Variants in CRADD observed in about 807,000 individuals in gnomAD.
CRADD encodes death domain-containing protein CRADD.
CRADD carries 9 observed loss-of-function variants against 15.5 expected under a neutral mutation model. That is an observed-to-expected ratio of 0.58 (90% CI 0.35 to 1.01). CRADD has a LOEUF of 1.01. CRADD is among the 50% of genes least tolerant of loss of function. The probability of loss-of-function intolerance (pLI) is 0.02; values close to 1 mark genes in which losing one functional copy is unlikely to be tolerated. For synonymous variants in CRADD, 118 were observed against 107.6 expected (o/e 1.10, Z -0.60); for missense variants, 227 against 250.3 (o/e 0.91, Z 0.63).
intron 2 of CRADD, among the ~76,000 whole-genome samples, chr12:93,871,990 A>G (rs1049181449): frequency 2.0e-5 from 3 of 152,150 alleles, no homozygotes; most frequent in Non-Finnish European, 2.9e-5. Context: ...CCTCCAAACT[A>G]TTCTCCATAG....
At chr12:93,829,814 T>C (rs1183449998) in intron 2 of CRADD, among the ~76,000 whole-genome samples, 2 of 152,142 alleles carry the variant, frequency 1.3e-5, no homozygotes, top group Non-Finnish European at 1.5e-5. Context: ...TGCCTCAGGC[T>C]CCTGAGTAGC....
intron 2 of CRADD, among the ~76,000 whole-genome samples, chr12:93,718,369 G>A (rs188661316): frequency 9.9e-4 from 150 of 152,200 alleles, no homozygotes; most frequent in Non-Finnish European, 1.5e-3. Context: ...GATCTTGTAC[G>A]TATTTTATTA....
At chr12:93,688,362 G>C (rs1955485030) in intron 2 of CRADD, among the ~76,000 whole-genome samples, 1 of 152,014 alleles carries the variant, frequency 6.6e-6, no homozygotes, top group African/African-American at 2.4e-5. Flanking sequence ...AAGTAGCTGG[G>C]CATGGTGGCA....
intron 2 of CRADD, among the ~76,000 whole-genome samples, chr12:93,806,708 G>T (rs1356909261): frequency 6.6e-6 from 1 of 152,056 alleles, no homozygotes; most frequent in African/African-American, 2.4e-5. Flanking sequence ...ATAAGGAGTA[G>T]AAGACATTAC....
rs1475096451 is a variant in CRADD at position 93,850,555 on chromosome 12, A to T, written c.*284A>T. On this transcript the variant is annotated 3_prime_UTR_variant, in exon 3 of 3. Coordinates refer to ENST00000332896, the MANE Select transcript of CRADD (RefSeq NM_003805.5). This position sits in a 1 kb window ranked among gnomAD's most constrained non-coding sequence, Gnocchi z 4.0. The stretch of plus-strand genomic sequence containing the variant: ...TGTAATGGCATTTTAATAGACTAGT[A>T]AATCACAGTGGTTCAAAATATATAT... The T allele has an allele frequency of 1.9e-6, 2 of 1,071,550 alleles. No homozygotes were observed. The highest frequency in any genetic ancestry group is 2.3e-6 in the Non-Finnish European group (2 of 873,428). The allele number at this position is 1,071,550 out of a possible 1,614,324, so 66.4% of individuals were successfully genotyped here.
chr12:93,767,762 A>G (rs1273530905), intron 2 of CRADD, among the ~76,000 whole-genome samples: 1 of 152,218 alleles, frequency 6.6e-6, no homozygotes, highest in African/African-American at 2.4e-5. Flanking sequence ...GCTTCCTCCA[A>G]CCACCACCAC....
chr12:93,796,837 G>A (rs1015406048), intron 2 of CRADD, among the ~76,000 whole-genome samples: 2 of 152,080 alleles, frequency 1.3e-5, no homozygotes, highest in African/African-American at 4.8e-5. Flanking sequence ...ATCTATTAGA[G>A]CTCTAACCCT....
chr12:93,683,315 CTT>C (rs1181020217), intron 2 of CRADD, among the ~76,000 whole-genome samples: 1 of 152,170 alleles, frequency 6.6e-6, no homozygotes, highest in Non-Finnish European at 1.5e-5. Flanking sequence ...GATTCTCTGC[CTT>C]TTGCCCCAGT....
intron 2 of CRADD, among the ~76,000 whole-genome samples, chr12:93,739,733 A>C (rs1956640146): frequency 6.6e-6 from 1 of 152,208 alleles, no homozygotes; most frequent in Non-Finnish European, 1.5e-5. Flanking sequence ...TTCTCATTTT[A>C]AAATAGGAAA....
chr12:93,776,576 C>T lies in CRADD; in HGVS notation c.299-73394C>T, dbSNP rs556634010. Among the ~76,000 whole-genome samples, 7 of 152,108 alleles carry T rather than the reference C, an allele frequency of 4.6e-5. No homozygotes were observed. In the East Asian group the frequency reaches 1.2e-3, roughly 25 times the overall value. On this transcript the variant is annotated intron_variant, in intron 2 of 2. Transcript: ENST00000332896. ...CAGAGTGGGTACTAAAAGTAAGTGG[C>T]GGCCAAGAGAAACAGAAACACAGGT... is the stretch of plus-strand genomic sequence containing the variant.
At chr12:93,684,515 C>T (rs775425620) in intron 2 of CRADD, among the ~76,000 whole-genome samples, 41 of 152,022 alleles carry the variant, frequency 2.7e-4, no homozygotes, top group Non-Finnish European at 5.1e-4. Context: ...GGCCACGGAC[C>T]GGTATGGGAG....
At chr12:93,881,628 G>A (rs543676950) in intron 2 of CRADD, among the ~76,000 whole-genome samples, 5 of 152,096 alleles carry the variant, frequency 3.3e-5, no homozygotes, top group Non-Finnish European at 7.3e-5. Context: ...GGTACTGTTG[G>A]TATTACTGGG....
chr12:93,887,389 A>G (rs899841001), intron 2 of CRADD, among the ~76,000 whole-genome samples: 3 of 152,236 alleles, frequency 2.0e-5, no homozygotes, highest in Admixed American at 6.5e-5. Flanking sequence ...GTGGAGGGTA[A>G]GGAAGGTCAC....
chr12:93,681,669 A>G lies in CRADD; in HGVS notation c.298+2597A>G, dbSNP rs561960151. Among the ~76,000 whole-genome samples, 8 of 152,296 alleles carry G rather than the reference A, an allele frequency of 5.3e-5. No individual in the cohort carries two copies. The East Asian group carries it at 1.5e-3, about 29-fold the overall frequency. On this transcript the variant is annotated intron_variant, in intron 2 of 2. Transcript: ENST00000332896. ...CTCATCACTCAGTTTAAGAAAAATA[A>G]TATTACGATTGCCTTTAAAAACCCC...
intron 2 of CRADD, among the ~76,000 whole-genome samples, chr12:93,718,128 C>T (rs1357244911): frequency 1.3e-5 from 2 of 152,150 alleles, no homozygotes; most frequent in African/African-American, 4.8e-5. Flanking sequence ...TAAACTTTGT[C>T]CTTTAACATT....
intron 2 of CRADD, among the ~76,000 whole-genome samples, chr12:93,707,473 G>A (rs972459671): frequency 2.6e-5 from 4 of 152,166 alleles, no homozygotes; most frequent in African/African-American, 9.7e-5. Context: ...GGGGTGCGTG[G>A]CTCTGGGCAG....
intron 2 of CRADD, among the ~76,000 whole-genome samples, chr12:93,886,070 C>A (rs1324857212): frequency 6.6e-6 from 1 of 151,694 alleles, no homozygotes; most frequent in Admixed American, 6.6e-5. Context: ...TCTGTAGGAT[C>A]CCAGGTGCTG....
chr12:93,782,550 C>T (rs947692514), intron 2 of CRADD, among the ~76,000 whole-genome samples: 2 of 149,736 alleles, frequency 1.3e-5, no homozygotes, highest in African/African-American at 2.5e-5. Context: ...GCTGAGATCA[C>T]GCCACTGCAC....
At chr12:93,787,238 G>A (rs1323595551) in intron 2 of CRADD, among the ~76,000 whole-genome samples, 1 of 149,918 alleles carries the variant, frequency 6.7e-6, no homozygotes, top group Non-Finnish European at 1.5e-5. Context: ...CCTCATGGGT[G>A]GTGGTTAAAC....
Sources: allele counts gnomAD v4.1 joint callset (sites outside exome capture counted in the v4.1 genomes callset), GRCh38; gene constraint gnomAD v4.1.1; non-coding constraint Gnocchi (gnomAD v3.1); transcripts MANE v1.5; gene names NCBI Gene and HGNC (gene_info 2026-07-23, HGNC 2026-07-21).